TANC2: variants seen among roughly 807,000 people sequenced by gnomAD.
TANC2 encodes the protein tetratricopeptide repeat, ankyrin repeat and coiled-coil containing 2.
In TANC2, 26 loss-of-function variants were observed where a neutral mutation model predicts 210.5. That is an observed-to-expected ratio of 0.12 (90% CI 0.09 to 0.17). The LOEUF is 0.17. Among genes scored for constraint, TANC2 ranks in the 10% least tolerant of loss-of-function variants. The probability of loss-of-function intolerance (pLI) is 1.00; values close to 1 mark genes in which losing one functional copy is unlikely to be tolerated. For synonymous variants in TANC2, 931 were observed against 967.1 expected (o/e 0.96, Z 0.69); for missense variants, 2,129 against 2,608.9 (o/e 0.82, Z 4.01).
chr17:63,233,766 A>C (rs539372343), intron 7 of TANC2, among the ~76,000 whole-genome samples: 1 of 152,200 alleles, frequency 6.6e-6, no homozygotes, highest in African/African-American at 2.4e-5. Context: ...GTTTTAGTCT[A>C]TTGAATTTAC....
rs76859911 is a variant in TANC2 at position 63,418,008 on chromosome 17, T to C, written c.4168-299T>C. ...ACTTCAGGAGCTTCACTGGAAAGGG[T>C]TGGTGTTTGGCTTCCGGGCTGAGAA... On this transcript the variant is annotated intron_variant, in intron 26 of 27. Coordinates refer to ENST00000689528, the Ensembl canonical transcript of TANC2. The surrounding 1 kb of genome is among the most constrained non-coding windows in gnomAD (Gnocchi z 4.6). Among the ~76,000 whole-genome samples the C allele has an allele frequency of 2.9e-3, 441 of 152,244 alleles. 2 individuals are homozygous for C. Among genetic ancestry groups the C allele is most frequent in the East Asian group, 0.018 (92 of 5,182 alleles).
chr17:63,051,835 T>TA (rs1334608933), intron 2 of TANC2, among the ~76,000 whole-genome samples: 2 of 152,204 alleles, frequency 1.3e-5, no homozygotes, highest in African/African-American at 4.8e-5. Context: ...AACTGTAGGC[T>TA]AATGTCAGTA....
intron 2 of TANC2, among the ~76,000 whole-genome samples, chr17:63,065,252 T>G (rs1013018679): frequency 2.0e-5 from 3 of 152,252 alleles, no homozygotes; most frequent in Admixed American, 6.5e-5. Flanking sequence ...TGAATAGTAT[T>G]ACATTGTGTA....
chr17:63,243,860 A>T (rs1336891753), intron 8 of TANC2, among the ~76,000 whole-genome samples: 1 of 152,216 alleles, frequency 6.6e-6, no homozygotes, highest in Non-Finnish European at 1.5e-5. Flanking sequence ...GTAAGTGATG[A>T]TACCAGCCAT....
intron 6 of TANC2, among the ~76,000 whole-genome samples, chr17:63,196,310 T>C (rs556121966): frequency 2.0e-4 from 31 of 152,206 alleles, no homozygotes; most frequent in Non-Finnish European, 4.1e-4. Flanking sequence ...TTTTTTAAAA[T>C]TGGGAGCAAT....
intron 12 of TANC2, among the ~76,000 whole-genome samples, chr17:63,343,549 G>A (rs956019007): frequency 3.3e-5 from 5 of 152,052 alleles, no homozygotes; most frequent in African/African-American, 9.7e-5. Context: ...TTTTTATCCC[G>A]CTAAACTATA....
rs1414329528 is a variant in TANC2 at position 63,020,079 on chromosome 17, G to A, written c.67+10453G>A. 2.6e-5 allele frequency among the ~76,000 whole-genome samples: 4 copies of A among 151,886 alleles called. No homozygotes were observed. In the East Asian group the frequency reaches 5.8e-4, roughly 22 times the overall value. On this transcript the variant is annotated intron_variant, in intron 2 of 27. Transcript: ENST00000689528. ...GTAGCTGGGATTACAGGCATGTGCC[G>A]CCATGCCTGGCTAATTTTTTATATT...
intron 20 of TANC2, among the ~76,000 whole-genome samples, chr17:63,405,884 G>A (rs2048488292): frequency 6.6e-6 from 1 of 152,204 alleles, no homozygotes; most frequent in African/African-American, 2.4e-5. Flanking sequence ...CTATGGGATT[G>A]TTTAATCCTA....
intron 8 of TANC2, among the ~76,000 whole-genome samples, chr17:63,250,233 C>T (rs2043020260): frequency 6.6e-6 from 1 of 151,784 alleles, no homozygotes; most frequent in Non-Finnish European, 1.5e-5. Flanking sequence ...CTGAACTCAC[C>T]TGATTATGTC....
chr17:63,352,576 G>A (rs2046645916), intron 13 of TANC2, among the ~76,000 whole-genome samples: 2 of 152,104 alleles, frequency 1.3e-5, no homozygotes, highest in Admixed American at 1.3e-4. Flanking sequence ...TTTACCAAAT[G>A]GATGCTTTGG....
At chr17:63,289,638 C>T (rs2044326440) in intron 9 of TANC2, among the ~76,000 whole-genome samples, 1 of 152,260 alleles carries the variant, frequency 6.6e-6, no homozygotes, top group East Asian at 1.9e-4. Context: ...ACGTGTTAAT[C>T]ATAGTTGTTT....
At chr17:63,395,642 T>G (rs1003861926) in intron 17 of TANC2, 101 bp from the exon 18 acceptor site, 2 of 1,081,900 alleles carry the variant, frequency 1.8e-6, no homozygotes, top group Non-Finnish European at 2.7e-6. Flanking sequence ...GTGGAAAGGA[T>G]GATTCTTAGT....
At chr17:63,219,372 A>G (rs145229190) in intron 7 of TANC2, among the ~76,000 whole-genome samples, 80 of 152,326 alleles carry the variant, frequency 5.3e-4, no homozygotes, top group African/African-American at 1.8e-3. Flanking sequence ...ACATCCAGAT[A>G]TGTAACAATC....
intron 9 of TANC2, among the ~76,000 whole-genome samples, chr17:63,282,509 T>C (rs1414186347): frequency 6.6e-6 from 1 of 152,110 alleles, no homozygotes; most frequent in Non-Finnish European, 1.5e-5. Context: ...AAATAAAACT[T>C]CATGATCAAG....
chr17:63,047,622 A>G (rs2035432812), intron 2 of TANC2, among the ~76,000 whole-genome samples: 1 of 152,178 alleles, frequency 6.6e-6, no homozygotes, highest in African/African-American at 2.4e-5. Flanking sequence ...GGGTATTTCA[A>G]AAAGGCAGTT....
chr17:63,420,158 G>T lies in TANC2; in HGVS notation c.4428G>T (p.Pro1476=), dbSNP rs374790933. 6.4e-7 allele frequency: 1 copy of T among 1,563,448 alleles called. No individual in the cohort carries two copies. The highest frequency in any genetic ancestry group is 8.7e-7 in the Non-Finnish European group (1 of 1,153,420). Reference sequence around the variant, plus strand: ...CACCGCAGCCTCAGCAGCAGTTGCCGGAAGAAGCAGAACCTGAGCCACAGC... The same window carrying T: ...CACCGCAGCCTCAGCAGCAGTTGCCTGAAGAAGCAGAACCTGAGCCACAGC... The change falls in exon 28 of 28, where the codon CCG becomes CCT. Residue 1476 remains proline, a synonymous_variant. Coordinates refer to ENST00000689528, the Ensembl canonical transcript of TANC2. This position sits in a 1 kb window ranked among gnomAD's most constrained non-coding sequence, Gnocchi z 4.2.
intron 5 of TANC2, chr17:63,153,996 A>T (rs928098108): frequency 1.3e-5 from 2 of 151,698 alleles, no homozygotes; most frequent in African/African-American, 4.8e-5. Context: ...CTGGAATATT[A>T]AATTGAGTGA....
At chr17:63,225,938 A>G (rs553541723) in intron 7 of TANC2, among the ~76,000 whole-genome samples, 1 of 152,350 alleles carries the variant, frequency 6.6e-6, no homozygotes, top group African/African-American at 2.4e-5. Context: ...CAGAAGCACT[A>G]GAAGTTTTTG....
At chr17:63,422,011 G>GT in exon 28 of TANC2, 1 of 1,535,696 alleles carries the variant, frequency 6.5e-7, no homozygotes, top group Non-Finnish European at 8.8e-7. Flanking sequence ...TTCAGGCTTG[G>GT]TTTCCACATT....
Sources: gnomAD v4.1 joint callset for allele counts (sites outside exome capture counted in the v4.1 genomes callset) on GRCh38, gnomAD v4.1.1 for gene constraint, Gnocchi (gnomAD v3.1) non-coding constraint, MANE v1.5 for transcripts, NCBI Gene and HGNC (gene_info 2026-07-23, HGNC 2026-07-21) for gene names.